SHANK2: variants seen among roughly 807,000 people sequenced by gnomAD.
The protein encoded by SHANK2 is SH3 and multiple ankyrin repeat domains 2.
A neutral mutation model predicts 133.7 loss-of-function variants in SHANK2; 43 were observed. That is an observed-to-expected ratio of 0.32 (90% CI 0.25 to 0.41). The LOEUF is 0.41. Among genes scored for constraint, SHANK2 ranks in the 10% least tolerant of loss-of-function variants. The probability of loss-of-function intolerance (pLI) is 1.00; values close to 1 mark genes in which losing one functional copy is unlikely to be tolerated. For missense variants in SHANK2, 1,994 were observed against 2,235.8 expected (o/e 0.89, Z 2.18); for synonymous variants, 1,017 against 952.8 (o/e 1.07, Z -1.24).
intron 14 of SHANK2, among the ~76,000 whole-genome samples, chr11:70,779,911 G>T (rs1162608528): frequency 5.9e-5 from 9 of 152,202 alleles, no homozygotes; most frequent in Admixed American, 4.6e-4. Flanking sequence ...CAGAGTGACT[G>T]GTTCTGGGTG....
chr11:70,717,268 C>T (rs1945955315), intron 14 of SHANK2, among the ~76,000 whole-genome samples: 1 of 152,152 alleles, frequency 6.6e-6, no homozygotes, highest in South Asian at 2.1e-4. Flanking sequence ...CCTCATCATG[C>T]AACCGACCTC....
intron 21 of SHANK2, among the ~76,000 whole-genome samples, chr11:70,495,327 G>A (rs540030041): frequency 6.6e-6 from 1 of 152,198 alleles, no homozygotes. Context: ...GGCTGGGGTC[G>A]AATTGGTTTC....
chr11:70,828,017 G>A (rs539778602), intron 11 of SHANK2, among the ~76,000 whole-genome samples: 1 of 152,296 alleles, frequency 6.6e-6, no homozygotes, highest in South Asian at 2.1e-4. Flanking sequence ...GGTGGCTCAC[G>A]CCTGTAATCC....
intron 17 of SHANK2, among the ~76,000 whole-genome samples, chr11:70,588,963 G>A (rs899743660): frequency 5.9e-5 from 9 of 152,206 alleles, no homozygotes; most frequent in East Asian, 5.8e-4. Context: ...GACTACAGGC[G>A]CCCGCCACCA....
chr11:70,811,649 CCATCCATCCATCATCTATT>C (rs1202139154), intron 12 of SHANK2, among the ~76,000 whole-genome samples: 1 of 151,072 alleles, frequency 6.6e-6, no homozygotes, highest in Non-Finnish European at 1.5e-5. Context: ...ATCCATCCAT[CCATCCATCCATCATCTATT>C]CATCCATCCA....
intron 17 of SHANK2, among the ~76,000 whole-genome samples, chr11:70,641,320 C>T (rs556139192): frequency 6.6e-6 from 1 of 152,218 alleles, no homozygotes; most frequent in South Asian, 2.1e-4. Context: ...GTCTCGATCT[C>T]CTGACCTTGT....
At chr11:71,087,088 C>A (rs1951429781) in intron 8 of SHANK2, among the ~76,000 whole-genome samples, 1 of 152,198 alleles carries the variant, frequency 6.6e-6, no homozygotes, top group Non-Finnish European at 1.5e-5. Context: ...ACCAGTGCAG[C>A]TGCACAGGCT....
chr11:71,208,713 A>C (rs1954185096), intron 2 of SHANK2, among the ~76,000 whole-genome samples: 1 of 152,058 alleles, frequency 6.6e-6, no homozygotes, highest in Admixed American at 6.5e-5. Flanking sequence ...TGAGTTACTG[A>C]ATCTCCAGCC....
At chr11:70,788,575 C>T (rs1292996651) in intron 14 of SHANK2, among the ~76,000 whole-genome samples, 3 of 152,104 alleles carry the variant, frequency 2.0e-5, no homozygotes, top group African/African-American at 7.2e-5. Flanking sequence ...CAGTACAGGG[C>T]AGTACAGGGT....
chr11:70,647,011 G>A (rs145383481), intron 17 of SHANK2, among the ~76,000 whole-genome samples: 23 of 151,982 alleles, frequency 1.5e-4, no homozygotes, highest in African/African-American at 4.6e-4. Context: ...ACAGGTGTCC[G>A]CCACCATGCC....
chr11:70,566,057 C>T lies in SHANK2; in HGVS notation c.2062-63126G>A, dbSNP rs541815261. Among the ~76,000 whole-genome samples the T allele has an allele frequency of 2.0e-5, 3 of 152,254 alleles. No homozygotes were observed. In the South Asian group the frequency reaches 6.2e-4, roughly 32 times the overall value. On this transcript the variant is annotated intron_variant, in intron 17 of 25. Transcript: ENST00000601538. Reference sequence around the variant, plus strand: ...AAGGGAAAGGGCATGTTCTACATGGCAGCAGGCAAGAGAGAATGGGAGCCA... The same window carrying T: ...AAGGGAAAGGGCATGTTCTACATGGTAGCAGGCAAGAGAGAATGGGAGCCA...
In SHANK2 at chr11:70,875,983, C is replaced by T. The variant is rs565529185; in HGVS notation, c.1174+20518G>A. On this transcript the variant is annotated intron_variant, in intron 11 of 25. Coordinates refer to ENST00000601538, the MANE Select transcript of SHANK2 (RefSeq NM_012309.5). ...ACCAGCCTGACCAACATGGAGAAAC[C>T]CCGTCTCTACTAAAAATACAGAATT... Among the ~76,000 whole-genome samples the T allele has an allele frequency of 4.2e-3, 635 of 151,216 alleles. 10 individuals carry two copies. The highest frequency in any genetic ancestry group is 6.2e-3 in the Non-Finnish European group (422 of 67,856).
rs1338644311 is a variant in SHANK2 at position 70,872,761 on chromosome 11, G to A, written c.1174+23740C>T. ...CCTCCACACTGACCACTTGAAAACT[G>A]ATGGGTGGCAATTTTCACCCCTCAT... is the stretch of plus-strand genomic sequence containing the variant. On this transcript the variant is annotated intron_variant, in intron 11 of 25. Coordinates refer to ENST00000601538, the MANE Select transcript of SHANK2 (RefSeq NM_012309.5). Among the ~76,000 whole-genome samples the A allele has an allele frequency of 2.0e-5, 3 of 152,130 alleles. No homozygotes were observed. The East Asian group carries it at 5.8e-4, about 29-fold the overall frequency.
At chr11:70,624,532 C>CAA (rs71049929) in intron 17 of SHANK2, among the ~76,000 whole-genome samples, 118 of 138,272 alleles carry the variant, frequency 8.5e-4, no homozygotes, top group Non-Finnish European at 1.4e-3. Flanking sequence ...CAACCTTCTT[C>CAA]AAAAAAAAAA....
chr11:70,920,410 A>G (rs1950333713), intron 10 of SHANK2, among the ~76,000 whole-genome samples: 1 of 152,154 alleles, frequency 6.6e-6, no homozygotes, highest in Non-Finnish European at 1.5e-5. Flanking sequence ...AAAAATGATT[A>G]CCTATGATGA....
At chr11:70,482,099 G>A (rs1555151816) in intron 25 of SHANK2, among the ~76,000 whole-genome samples, 1 of 152,256 alleles carries the variant, frequency 6.6e-6, no homozygotes, top group South Asian at 2.1e-4. Flanking sequence ...AAGCAAGGGC[G>A]AGGGAGAGGA....
chr11:71,111,388 T>G (rs1951889818), intron 5 of SHANK2, among the ~76,000 whole-genome samples: 1 of 152,164 alleles, frequency 6.6e-6, no homozygotes, highest in Non-Finnish European at 1.5e-5. Context: ...CGGGACTCAT[T>G]TCCTGTGAGG....
intron 2 of SHANK2, among the ~76,000 whole-genome samples, chr11:71,205,916 C>T (rs1266920590): frequency 6.6e-6 from 1 of 152,128 alleles, no homozygotes; most frequent in Non-Finnish European, 1.5e-5. Context: ...TGTGTCCCCC[C>T]AGGGCTGCAG....
At chr11:70,875,524 A>AAAC (rs71049946) in intron 11 of SHANK2, among the ~76,000 whole-genome samples, 23,352 of 146,218 alleles carry the variant, frequency 0.16, 2,401 homozygotes, top group African/African-American at 0.3. Flanking sequence ...ACTCCGTCTC[A>AAAC]AACAACAACA....
Sources: allele counts gnomAD v4.1 joint callset (sites outside exome capture counted in the v4.1 genomes callset), GRCh38; gene constraint gnomAD v4.1.1; transcripts MANE v1.5; gene names NCBI Gene and HGNC (gene_info 2026-07-23, HGNC 2026-07-21).